TOLLIP: variants seen among roughly 807,000 people sequenced by gnomAD.
TOLLIP encodes toll-interacting protein.
Under a neutral mutation model 33.5 loss-of-function variants are expected in TOLLIP, and 16 were observed. The ratio of observed to expected loss-of-function variants is 0.48; its 90% CI spans 0.32 to 0.72. TOLLIP has a LOEUF of 0.72. TOLLIP is among the 30% of genes least tolerant of loss of function. The probability of loss-of-function intolerance (pLI) is 0.03; values close to 1 mark genes in which losing one functional copy is unlikely to be tolerated. For missense variants in TOLLIP, 325 were observed against 396.6 expected (o/e 0.82, Z 1.53); for synonymous variants, 176 against 163.7 (o/e 1.07, Z -0.57).
chr11:1,296,830 C>G (rs1320297593), intron 1 of TOLLIP, among the ~76,000 whole-genome samples: 2 of 82,190 alleles, frequency 2.4e-5, no homozygotes, highest in Non-Finnish European at 4.7e-5. Flanking sequence ...GGGTGGAGGC[C>G]TGGTTGCTGG....
rs1314287925 is a variant in TOLLIP at position 1,303,891 on chromosome 11, C to G, written c.33+5575G>C. 6.6e-6 allele frequency among the ~76,000 whole-genome samples: 1 copy of G among 152,072 alleles called. No homozygotes were observed. The highest frequency in any genetic ancestry group is 1.5e-5 in the Non-Finnish European group (1 of 67,992). ...TCTCTACTAAAAATACAAAAATTAG[C>G]TGGGCGTGGTGGTGGACGCCTGTAA... On this transcript the variant is annotated intron_variant, in intron 1 of 5. Transcript: ENST00000317204. This position sits in a 1 kb window ranked among gnomAD's most constrained non-coding sequence, Gnocchi z 4.2.
chr11:1,285,763 C>G (rs1234039124), intron 5 of TOLLIP, among the ~76,000 whole-genome samples: 1 of 141,978 alleles, frequency 7.0e-6, no homozygotes, highest in Non-Finnish European at 1.5e-5. Flanking sequence ...TCATTTCTGC[C>G]AACAATTAGA....
At position 1,295,795 on chromosome 11, in the gene TOLLIP, C is replaced by G; in HGVS notation, c.34-1G>C. On this transcript the variant is annotated splice_acceptor_variant, in intron 1 of 5. Transcript: ENST00000317204. LOFTEE classifies it high-confidence loss of function. Reference sequence around the variant, plus strand: ...CCTGCGGGAGCTCACCGATGTACACCTGCGGGGCCGGGGACCAGAGAGGCC... The same window carrying G: ...CCTGCGGGAGCTCACCGATGTACACGTGCGGGGCCGGGGACCAGAGAGGCC... The G allele has an allele frequency of 6.4e-7, 1 of 1,555,886 alleles. No homozygotes were observed. Among genetic ancestry groups the G allele is most frequent in the Non-Finnish European group, 8.7e-7 (1 of 1,148,164 alleles).
rs1863307774 is a variant in TOLLIP at position 1,276,546 on chromosome 11, C to G, written c.*493G>C. 5.7e-6 allele frequency: 4 copies of G among 697,924 alleles called. No homozygotes were observed. The highest frequency in any genetic ancestry group is 2.9e-5 in the Admixed American group (1 of 35,032). The allele number at this position is 697,924 out of a possible 1,614,324, so 43.2% of individuals were successfully genotyped here. ...ACCCAAGCCCTGGGCAGGGGCCAGG[C>G]TCACAGCAAAGCGCGTTAGGGCAAG... On this transcript the variant is annotated 3_prime_UTR_variant, in exon 6 of 6. Transcript: ENST00000317204.
At chr11:1,307,822 G>C (rs558047767) in intron 1 of TOLLIP, among the ~76,000 whole-genome samples, 1 of 152,352 alleles carries the variant, frequency 6.6e-6, no homozygotes, top group East Asian at 1.9e-4. Flanking sequence ...AGTCTCATAA[G>C]TGTCAGGAGG....
At position 1,276,599 on chromosome 11, in the gene TOLLIP, A is replaced by T. The variant is rs536718031; in HGVS notation, c.*440T>A. 1.4e-5 allele frequency: 16 copies of T among 1,162,324 alleles called. No homozygotes were observed. Among genetic ancestry groups the T allele is most frequent in the Non-Finnish European group, 1.6e-5 (14 of 881,698 alleles). The allele number at this position is 1,162,324 out of a possible 1,614,324, so 72.0% of individuals were successfully genotyped here. A position where few individuals can be genotyped will look rare whatever the true frequency, so the allele number is the denominator to read the frequency against. ...CGTGAGTTTTCGTCTGGGAAGTTCT[A>T]AAAAAAACCCACAGTGTGAGGGATT... On this transcript the variant is annotated 3_prime_UTR_variant, in exon 6 of 6. Coordinates refer to ENST00000317204, the MANE Select transcript of TOLLIP (RefSeq NM_019009.4).
Position 1,278,856 on chromosome 11 carries a change from A to AC in TOLLIP, c.611-1604dup, listed in dbSNP as rs1280523048. Among the ~76,000 whole-genome samples the AC allele has an allele frequency of 1.3e-5, 2 of 151,764 alleles. No individual in the cohort carries two copies. The highest frequency in any genetic ancestry group is 2.9e-5 in the Non-Finnish European group (2 of 67,964). Reference sequence around the variant, plus strand: ...CTTGGGCGCTGTCTGTCCTGGAGGGACCCCTGGGATCCCCGTGGCTTTTTG... The same window carrying AC: ...CTTGGGCGCTGTCTGTCCTGGAGGGACCCCCTGGGATCCCCGTGGCTTTTTG... On this transcript the variant is annotated intron_variant, in intron 5 of 5. Coordinates refer to ENST00000317204, the MANE Select transcript of TOLLIP (RefSeq NM_019009.4). This position sits in a 1 kb window ranked among gnomAD's most constrained non-coding sequence, Gnocchi z 4.7.
At chr11:1,295,595 C>T (rs763332463) in intron 2 of TOLLIP, 50 bp downstream of exon 2, 5 of 1,451,718 alleles carry the variant, frequency 3.4e-6, no homozygotes, top group African/African-American at 1.4e-5. Flanking sequence ...AATCCCACCC[C>T]CACCGAGCGC....
At chr11:1,302,156 G>T (rs1232051854) in intron 1 of TOLLIP, among the ~76,000 whole-genome samples, 1 of 152,234 alleles carries the variant, frequency 6.6e-6, no homozygotes, top group Non-Finnish European at 1.5e-5. Context: ...GCTCAGTCTG[G>T]CCCAGGAGAA....
chr11:1,276,421 T>G lies in TOLLIP; in HGVS notation c.*618A>C, dbSNP rs1413590185. On this transcript the variant is annotated 3_prime_UTR_variant, in exon 6 of 6. Coordinates refer to ENST00000317204, the MANE Select transcript of TOLLIP (RefSeq NM_019009.4). Reference sequence around the variant, plus strand: ...CTCCAGGTGTGGGTTCATTCTGCCTTCAGGCCGGAGTCTGTCACAAGGCTG... The same window carrying G: ...CTCCAGGTGTGGGTTCATTCTGCCTGCAGGCCGGAGTCTGTCACAAGGCTG... 2 of 290,014 alleles carry G rather than the reference T, an allele frequency of 6.9e-6. No individual in the cohort carries two copies. The highest frequency in any genetic ancestry group is 8.8e-5 in the Admixed American group (2 of 22,608). 18.0% of individuals were successfully genotyped at this position (290,014 alleles called of 1,614,324 possible).
intron 2 of TOLLIP, among the ~76,000 whole-genome samples, chr11:1,293,845 G>A (rs960548282): frequency 3.3e-5 from 5 of 152,246 alleles, no homozygotes; most frequent in Non-Finnish European, 5.9e-5. Context: ...AGCTGGCACA[G>A]GAATGCATGG....
chr11:1,292,964 G>C (rs1036226751), intron 2 of TOLLIP, among the ~76,000 whole-genome samples: 1 of 152,244 alleles, frequency 6.6e-6, no homozygotes, highest in Non-Finnish European at 1.5e-5. Flanking sequence ...AGCTGGAGCA[G>C]GCTCGGCAGG....
intron 1 of TOLLIP, among the ~76,000 whole-genome samples, chr11:1,299,212 A>T (rs1864196339): frequency 6.6e-6 from 1 of 152,376 alleles, no homozygotes; most frequent in Non-Finnish European, 1.5e-5. Context: ...TATTCCATTT[A>T]ACCTGAAGAC....
intron 5 of TOLLIP, among the ~76,000 whole-genome samples, chr11:1,281,067 C>T (rs5743997): frequency 0.014 from 2,192 of 152,352 alleles, 18 homozygotes; most frequent in Non-Finnish European, 0.018. Context: ...AGATGCTTCA[C>T]GCCTAGATGT....
chr11:1,294,253 C>G, intron 2 of TOLLIP, among the ~76,000 whole-genome samples: 1 of 126,150 alleles, frequency 7.9e-6, no homozygotes. Flanking sequence ...GCCCGCGTGG[C>G]TCACAGTGTG....
At chr11:1,301,915 C>T (rs1293700886) in intron 1 of TOLLIP, among the ~76,000 whole-genome samples, 2 of 152,202 alleles carry the variant, frequency 1.3e-5, no homozygotes, top group Non-Finnish European at 2.9e-5. Context: ...GCCTCTTGGG[C>T]GAGGTCTGAG....
chr11:1,289,967 G>T (rs5743955), intron 3 of TOLLIP: 18,572 of 476,224 alleles, frequency 0.039, 484 homozygotes, highest in South Asian at 0.076. Flanking sequence ...CCAGCGGAGG[G>T]GACACGTGCA....
chr11:1,289,856 A>G (rs1178499596), intron 3 of TOLLIP, among the ~76,000 whole-genome samples: 1 of 140,246 alleles, frequency 7.1e-6, no homozygotes, highest in Non-Finnish European at 1.5e-5. Flanking sequence ...TGGAAATCCC[A>G]CCTGCTGGTG....
chr11:1,281,437 T>A (rs1863493724), intron 5 of TOLLIP, among the ~76,000 whole-genome samples: 1 of 152,124 alleles, frequency 6.6e-6, no homozygotes, highest in South Asian at 2.1e-4. Context: ...AGTCTCCAGC[T>A]TGCACTCTCC....
Sources: allele counts gnomAD v4.1 joint callset (sites outside exome capture counted in the v4.1 genomes callset), GRCh38; gene constraint gnomAD v4.1.1; non-coding constraint Gnocchi (gnomAD v3.1); transcripts MANE v1.5; gene names NCBI Gene and HGNC (gene_info 2026-07-23, HGNC 2026-07-21).